The following STXBP5L variants were observed in gnomAD, a reference collection of about 807,000 sequenced individuals.
STXBP5L encodes syntaxin-binding protein 5-like.
A neutral mutation model predicts 144.5 loss-of-function variants in STXBP5L; 65 were observed. The observed-to-expected ratio is 0.45, with a 90% CI of 0.37 to 0.55. The LOEUF (loss-of-function observed/expected upper bound fraction) is 0.55. Ranked by LOEUF, STXBP5L falls within the 20% of genes least tolerant of loss-of-function variation. The pLI, the probability that STXBP5L is intolerant of heterozygous loss-of-function variation, is 0.00. For missense variants in STXBP5L, 1,298 were observed against 1,405.5 expected (o/e 0.92, Z 1.22); for synonymous variants, 505 against 469.6 (o/e 1.08, Z -0.97).
intron 20 of STXBP5L, among the ~76,000 whole-genome samples, chr3:121,362,311 G>A (rs965558994): frequency 6.6e-6 from 1 of 152,146 alleles, no homozygotes; most frequent in Non-Finnish European, 1.5e-5. Context: ...TTCACTCAAG[G>A]TCCTGGGGCT....
chr3:120,990,477 CA>C (rs1298161142), intron 3 of STXBP5L, among the ~76,000 whole-genome samples: 3 of 152,010 alleles, frequency 2.0e-5, no homozygotes, highest in African/African-American at 7.3e-5. Context: ...CATATGGAAC[CA>C]AAAAAGAGCC....
intron 24 of STXBP5L, among the ~76,000 whole-genome samples, chr3:121,414,285 T>C (rs2047184920): frequency 6.6e-6 from 1 of 152,124 alleles, no homozygotes; most frequent in African/African-American, 2.4e-5. Flanking sequence ...GAAAGTGCTA[T>C]ATATGGCTGT....
At chr3:121,377,393 A>G (rs530486671) in intron 20 of STXBP5L, among the ~76,000 whole-genome samples, 2 of 152,356 alleles carry the variant, frequency 1.3e-5, no homozygotes, top group South Asian at 2.1e-4. Flanking sequence ...GTCAGAGTGA[A>G]CAGGCAACAT....
At chr3:120,914,987 A>G (rs1220035444) in intron 2 of STXBP5L, among the ~76,000 whole-genome samples, 2 of 152,080 alleles carry the variant, frequency 1.3e-5, no homozygotes, top group Non-Finnish European at 2.9e-5. Context: ...AGGATTATAG[A>G]TGTGTAGAAG....
chr3:121,419,101 C>A lies in STXBP5L; in HGVS notation c.*4C>A, dbSNP rs1426960638. The A allele has an allele frequency of 2.5e-6, 4 of 1,609,024 alleles. No homozygotes were observed. Among genetic ancestry groups the A allele is most frequent in the Non-Finnish European group, 3.4e-6 (4 of 1,178,150 alleles). On this transcript the variant is annotated 3_prime_UTR_variant, in exon 27 of 27. Coordinates refer to ENST00000471454, the MANE Select transcript of STXBP5L (RefSeq NM_001308330.2). ...TAAGAAATGGTACCAATTCTGACTT[C>A]TAAAGAAGCTGTGACTGCTTTGAGA...
intron 9 of STXBP5L, among the ~76,000 whole-genome samples, chr3:121,189,364 T>G (rs962881592): frequency 6.6e-6 from 1 of 152,210 alleles, no homozygotes; most frequent in African/African-American, 2.4e-5. Flanking sequence ...GGTCTAACAT[T>G]TAAGTCTTTA....
At chr3:120,936,526 C>CA (rs1235806675) in intron 2 of STXBP5L, among the ~76,000 whole-genome samples, 1 of 152,036 alleles carries the variant, frequency 6.6e-6, no homozygotes, top group East Asian at 1.9e-4. Flanking sequence ...TGTCAGATGG[C>CA]AAAATTTTTT....
At chr3:121,107,882 A>C (rs567075478) in intron 5 of STXBP5L, among the ~76,000 whole-genome samples, 13 of 152,080 alleles carry the variant, frequency 8.5e-5, no homozygotes, top group African/African-American at 3.1e-4. Flanking sequence ...GTCCTCTCTG[A>C]TTTCCTTGAG....
intron 5 of STXBP5L, among the ~76,000 whole-genome samples, chr3:121,094,915 TG>T (rs2043033702): frequency 6.6e-6 from 1 of 152,184 alleles, no homozygotes; most frequent in African/African-American, 2.4e-5. Flanking sequence ...TGGTACTGGT[TG>T]TTCCTCTCCA....
intron 9 of STXBP5L, among the ~76,000 whole-genome samples, chr3:121,171,606 C>T (rs994926616): frequency 6.6e-6 from 1 of 152,100 alleles, no homozygotes; most frequent in East Asian, 1.9e-4. Context: ...ACAACTGCTA[C>T]AAAGAGAATA....
Position 121,113,673 on chromosome 3 carries a change from T to TC in STXBP5L, c.471-1252_471-1251insC, listed in dbSNP as rs1470960277. On this transcript the variant is annotated intron_variant, in intron 5 of 26. Coordinates refer to ENST00000471454, the MANE Select transcript of STXBP5L (RefSeq NM_001308330.2). Reference sequence around the variant, plus strand: ...TCACTTTTATTCTTTTTTCTTTTTCTTTTTTTTTTTTTTTTTTGTGACACA... The same window carrying TC: ...TCACTTTTATTCTTTTTTCTTTTTCTCTTTTTTTTTTTTTTTTTGTGACACA... 1.5e-4 allele frequency among the ~76,000 whole-genome samples: 13 copies of TC among 89,034 alleles called. No homozygotes were observed. In the South Asian group the frequency reaches 3.0e-3, roughly 20 times the overall value. 58.4% of individuals were successfully genotyped at this position (89,034 alleles called of 152,430 possible). A position where few individuals can be genotyped will look rare whatever the true frequency, so the allele number is the denominator to read the frequency against.
intron 20 of STXBP5L, among the ~76,000 whole-genome samples, chr3:121,337,607 T>A (rs1227394714): frequency 6.6e-6 from 1 of 152,072 alleles, no homozygotes; most frequent in East Asian, 1.9e-4. Context: ...ATCACAATAA[T>A]TGTGGGGGAC....
intron 10 of STXBP5L, among the ~76,000 whole-genome samples, chr3:121,210,358 A>C (rs1160235961): frequency 8.6e-5 from 13 of 151,910 alleles, no homozygotes; most frequent in South Asian, 4.2e-4. Flanking sequence ...AGATTGCAAA[A>C]ATTTTCTCCC....
intron 2 of STXBP5L, among the ~76,000 whole-genome samples, chr3:120,913,453 G>A (rs761160757): frequency 5.3e-5 from 8 of 151,946 alleles, no homozygotes; most frequent in Non-Finnish European, 1.0e-4. Flanking sequence ...CTTTAAATGA[G>A]TAAAGATGCA....
At chr3:120,932,132 A>G (rs1012442440) in intron 2 of STXBP5L, among the ~76,000 whole-genome samples, 1 of 152,188 alleles carries the variant, frequency 6.6e-6, no homozygotes, top group Non-Finnish European at 1.5e-5. Flanking sequence ...ATATCTCAAC[A>G]TAGAAAAAGT....
intron 3 of STXBP5L, among the ~76,000 whole-genome samples, chr3:121,024,189 G>C (rs1253157345): frequency 6.6e-6 from 1 of 152,148 alleles, no homozygotes; most frequent in Non-Finnish European, 1.5e-5. Context: ...AAGTATTGCT[G>C]TCCACAAGCT....
At chr3:121,397,101 A>C (rs2046749981) in intron 22 of STXBP5L, among the ~76,000 whole-genome samples, 2 of 152,284 alleles carry the variant, frequency 1.3e-5, no homozygotes, top group African/African-American at 2.4e-5. Flanking sequence ...TACCATTACT[A>C]GACCCATCTG....
At chr3:121,347,188 A>G (rs2045029220) in intron 20 of STXBP5L, among the ~76,000 whole-genome samples, 2 of 152,158 alleles carry the variant, frequency 1.3e-5, no homozygotes, top group South Asian at 2.1e-4. Context: ...CAGTTTTCCC[A>G]GCACCATTTA....
intron 20 of STXBP5L, among the ~76,000 whole-genome samples, chr3:121,371,763 T>G (rs1357666712): frequency 6.6e-6 from 1 of 152,226 alleles, no homozygotes; most frequent in East Asian, 1.9e-4. Context: ...GGCCGCCCAG[T>G]GCCAAGGCCA....
Sources: gnomAD v4.1 joint callset for allele counts (sites outside exome capture counted in the v4.1 genomes callset) on GRCh38, gnomAD v4.1.1 for gene constraint, MANE v1.5 for transcripts, NCBI Gene and HGNC (gene_info 2026-07-23, HGNC 2026-07-21) for gene names.